Variants in ANKRD17 observed in about 807,000 individuals in gnomAD.
The protein encoded by ANKRD17 is ankyrin repeat domain-containing protein 17.
ANKRD17 carries 19 observed loss-of-function variants against 229.7 expected under a neutral mutation model. That is an observed-to-expected ratio of 0.08 (90% CI 0.06 to 0.12). The LOEUF is 0.12. ANKRD17 is among the 10% of genes least tolerant of loss of function. ANKRD17 has a pLI of 1.00. For missense variants in ANKRD17, 2,176 were observed against 3,176.8 expected (o/e 0.68, Z 7.57); for synonymous variants, 1,112 against 1,146.1 (o/e 0.97, Z 0.60).
Position 73,199,204 on chromosome 4 carries a change from G to T in ANKRD17, c.394-21671C>A, listed in dbSNP as rs963961927. On this transcript the variant is annotated intron_variant, in intron 1 of 33. Transcript: ENST00000358602. ...CAGAACTGCTACCCTAACAGGCTGC[G>T]AAAACATACAGTTTGGCTGTGTGTG... is the stretch of plus-strand genomic sequence containing the variant. Among the ~76,000 whole-genome samples the T allele has an allele frequency of 2.0e-5, 3 of 148,858 alleles. No homozygotes were observed. The Admixed American group carries it at 2.1e-4, about 10-fold the overall frequency.
intron 1 of ANKRD17, among the ~76,000 whole-genome samples, chr4:73,200,619 T>C (rs557082895): frequency 6.6e-6 from 1 of 152,272 alleles, no homozygotes; most frequent in East Asian, 1.9e-4. Flanking sequence ...GTTTATTATA[T>C]AAAGATTATA....
At chr4:73,101,957 G>A (rs1724059117) in intron 25 of ANKRD17, among the ~76,000 whole-genome samples, 2 of 151,476 alleles carry the variant, frequency 1.3e-5, no homozygotes, top group African/African-American at 4.9e-5. Flanking sequence ...TTGATAGAAG[G>A]TCTTGCTCTG....
intron 30 of ANKRD17, among the ~76,000 whole-genome samples, chr4:73,082,951 G>C (rs541101485): frequency 6.0e-4 from 92 of 152,218 alleles, no homozygotes; most frequent in African/African-American, 2.1e-3. Flanking sequence ...AGTTGTTGAA[G>C]GGAACATTCT....
chr4:73,218,441 G>A (rs1741389521), intron 1 of ANKRD17, among the ~76,000 whole-genome samples: 1 of 152,006 alleles, frequency 6.6e-6, no homozygotes, highest in South Asian at 2.1e-4. Flanking sequence ...TCAGGAGTTA[G>A]TGACCAGCCT....
intron 1 of ANKRD17, among the ~76,000 whole-genome samples, chr4:73,205,473 G>T (rs1739319797): frequency 6.6e-6 from 1 of 152,112 alleles, no homozygotes; most frequent in Non-Finnish European, 1.5e-5. Context: ...TGACAAAGAT[G>T]CCAAGAACAC....
chr4:73,107,278 T>C (rs1368582973), intron 24 of ANKRD17, among the ~76,000 whole-genome samples: 1 of 152,174 alleles, frequency 6.6e-6, no homozygotes, highest in Non-Finnish European at 1.5e-5. Context: ...CATTTCTCAA[T>C]AAAGAGTAGT....
intron 3 of ANKRD17, among the ~76,000 whole-genome samples, chr4:73,157,820 T>C (rs1731861894): frequency 6.6e-6 from 1 of 152,182 alleles, no homozygotes; most frequent in African/African-American, 2.4e-5. Context: ...CCGGGCACAG[T>C]GGCTCACGCC....
intron 1 of ANKRD17, among the ~76,000 whole-genome samples, chr4:73,209,740 C>T (rs1017906131): frequency 4.6e-5 from 7 of 152,158 alleles, no homozygotes; most frequent in African/African-American, 1.4e-4. Flanking sequence ...AAAGGAGTCA[C>T]ACATTGTGAC....
At chr4:73,156,231 ATTGTTT>A (rs1560613346) in intron 3 of ANKRD17, 65 bp from the exon 4 acceptor site, 2 of 1,486,784 alleles carry the variant, frequency 1.3e-6, no homozygotes, top group African/African-American at 2.8e-5. Context: ...CAGCATAAAT[ATTGTTT>A]TTGATTGTTT....
intron 23 of ANKRD17, among the ~76,000 whole-genome samples, chr4:73,114,470 A>G (rs1227135219): frequency 1.3e-5 from 2 of 152,056 alleles, no homozygotes; most frequent in East Asian, 3.9e-4. Context: ...AATTTTAGAG[A>G]TAGGGGCTTG....
intron 1 of ANKRD17, among the ~76,000 whole-genome samples, chr4:73,197,256 C>T (rs1738012682): frequency 6.6e-6 from 1 of 152,150 alleles, no homozygotes; most frequent in Non-Finnish European, 1.5e-5. Context: ...ATACTGTCTG[C>T]ATTATGAAAA....
rs1732513004 is a variant in ANKRD17, at chr4:73,161,467, CAT to C, written c.548-121_548-120del. The C allele has an allele frequency of 1.0e-5, 10 of 977,970 alleles. 1 individual carries two copies. In the South Asian group the frequency reaches 1.7e-4, roughly 17 times the overall value. The allele number at this position is 977,970 out of a possible 1,614,324, so 60.6% of individuals were successfully genotyped here. On this transcript the variant is annotated intron_variant, in intron 2 of 33. Transcript: ENST00000358602. Reference sequence around the variant, plus strand: ...AATAACCTCCAAATGGTAGAGTAGACATATATATTGGCTGCCCAGCATCTTTT... The same window carrying C: ...AATAACCTCCAAATGGTAGAGTAGACATATATTGGCTGCCCAGCATCTTTT...
intron 3 of ANKRD17, among the ~76,000 whole-genome samples, chr4:73,159,698 T>TAA (rs1732235040): frequency 6.6e-6 from 1 of 152,226 alleles, no homozygotes; most frequent in African/African-American, 2.4e-5. Context: ...CAAGGTGTTT[T>TAA]AATTCTTTCT....
At chr4:73,202,971 G>T (rs888697482) in intron 1 of ANKRD17, among the ~76,000 whole-genome samples, 8 of 152,134 alleles carry the variant, frequency 5.3e-5, no homozygotes, top group Non-Finnish European at 1.2e-4. Flanking sequence ...AGATCAAATA[G>T]AATTTCTAGA....
chr4:73,234,940 T>C (rs1013367688), intron 1 of ANKRD17, among the ~76,000 whole-genome samples: 2 of 152,166 alleles, frequency 1.3e-5, no homozygotes, highest in African/African-American at 4.8e-5. Context: ...ACTCCAAGTT[T>C]GGAGCCATTC....
In ANKRD17 at chr4:73,159,520, C is replaced by T. The variant is rs138764862; in HGVS notation, c.704+1672G>A. On this transcript the variant is annotated intron_variant, in intron 3 of 33. Coordinates refer to ENST00000358602, the MANE Select transcript of ANKRD17 (RefSeq NM_032217.5). ...ATATAAAAATGTGGCACATAGTACTCACTGCACTTAAGTCCACCATCTTTC... is the reference window on the plus strand; with the variant it reads ...ATATAAAAATGTGGCACATAGTACTTACTGCACTTAAGTCCACCATCTTTC... Among the ~76,000 whole-genome samples, 111 of 152,312 alleles carry T rather than the reference C, an allele frequency of 7.3e-4. 3 individuals are homozygous for T. The East Asian group carries it at 0.019, about 26-fold the overall frequency.
intron 1 of ANKRD17, 90 bp from the exon 2 acceptor site, chr4:73,177,623 G>T: frequency 1.1e-6 from 1 of 949,016 alleles, no homozygotes; most frequent in Non-Finnish European, 1.6e-6. Flanking sequence ...GCAGGGGAGG[G>T]AAAAAATATG....
intron 1 of ANKRD17, among the ~76,000 whole-genome samples, chr4:73,257,625 A>T (rs1293148909): frequency 1.3e-5 from 2 of 152,202 alleles, no homozygotes; most frequent in African/African-American, 4.8e-5. Flanking sequence ...GTTACTGATA[A>T]ATTTATACAA....
At chr4:73,212,451 G>C (rs1322634380) in intron 1 of ANKRD17, among the ~76,000 whole-genome samples, 1 of 152,062 alleles carries the variant, frequency 6.6e-6, no homozygotes, top group Non-Finnish European at 1.5e-5. Flanking sequence ...TTTTTTAAAT[G>C]ATATATGTAG....
Sources: gnomAD v4.1 joint callset for allele counts (sites outside exome capture counted in the v4.1 genomes callset) on GRCh38, gnomAD v4.1.1 for gene constraint, MANE v1.5 for transcripts, NCBI Gene and HGNC (gene_info 2026-07-23, HGNC 2026-07-21) for gene names.